Variants in RMDN2 observed in about 807,000 individuals in gnomAD.
RMDN2 encodes the protein regulator of microtubule dynamics protein 2.
A neutral mutation model predicts 52.8 loss-of-function variants in RMDN2; 61 were observed. The ratio of observed to expected loss-of-function variants is 1.16; its 90% CI spans 0.94 to 1.43. The LOEUF is 1.43. Among genes scored for constraint, RMDN2 ranks in the 40% most tolerant of loss-of-function variants. The pLI, the probability that RMDN2 is intolerant of heterozygous loss-of-function variation, is 0.00. For synonymous variants in RMDN2, 180 were observed against 153.1 expected (o/e 1.18, Z -1.30); for missense variants, 592 against 475.3 (o/e 1.25, Z -2.28).
chr2:38,058,687 CTG>C (rs1445541442), intron 10 of RMDN2, among the ~76,000 whole-genome samples: 1 of 152,192 alleles, frequency 6.6e-6, no homozygotes, highest in Non-Finnish European at 1.5e-5. Flanking sequence ...TGTTCGTTTT[CTG>C]TGTTTCAGAA....
downstream of RMDN2, among the ~76,000 whole-genome samples, chr2:38,018,565 A>G (rs1251357201): frequency 6.6e-6 from 1 of 152,248 alleles, no homozygotes; most frequent in East Asian, 1.9e-4. Flanking sequence ...CAAAAATGTT[A>G]TAGGCAACGG....
chr2:37,936,294 A>G (rs149112331), intron 2 of RMDN2, among the ~76,000 whole-genome samples: 295 of 152,272 alleles, frequency 1.9e-3, no homozygotes, highest in African/African-American at 6.5e-3. Context: ...TATCCAGTCT[A>G]TAATTGATGG....
chr2:37,939,490 G>A (rs981100514), intron 2 of RMDN2, among the ~76,000 whole-genome samples: 1 of 152,276 alleles, frequency 6.6e-6, no homozygotes, highest in Admixed American at 6.5e-5. Flanking sequence ...TGACAGTGGG[G>A]TGTTAAATTC....
At chr2:37,933,973 T>G (rs1395213820) in intron 2 of RMDN2, among the ~76,000 whole-genome samples, 1 of 152,226 alleles carries the variant, frequency 6.6e-6, no homozygotes, top group African/African-American at 2.4e-5. Flanking sequence ...GACTGAAGAC[T>G]GGCCATGGGG....
chr2:37,923,330 G>A (rs1666084484), upstream of RMDN2: 1 of 152,214 alleles, frequency 6.6e-6, no homozygotes, highest in Non-Finnish European at 1.5e-5. Flanking sequence ...TGAAGATCAA[G>A]TCAGTATCAG....
At chr2:37,957,495 G>A (rs1308091469) in intron 2 of RMDN2, among the ~76,000 whole-genome samples, 1 of 151,998 alleles carries the variant, frequency 6.6e-6, no homozygotes. Flanking sequence ...AGGGTTGTTT[G>A]GTTTTTTCTT....
At chr2:37,969,069 C>G (rs1393244873) in intron 2 of RMDN2, among the ~76,000 whole-genome samples, 1 of 150,494 alleles carries the variant, frequency 6.6e-6, no homozygotes, top group Non-Finnish European at 1.5e-5. Flanking sequence ...GGGAAATAGA[C>G]TAGCGTACAT....
Position 37,998,840 on chromosome 2 carries a change from A to G in RMDN2, c.1044+1326A>G, listed in dbSNP as rs552788410. ...ATACCTCAGGAACTTAATTTGTTGC[A>G]TTTCACACAATGACAATCAAAGATT... On this transcript the variant is annotated intron_variant, in intron 8 of 10. Coordinates refer to ENST00000354545, the MANE Select transcript of RMDN2 (RefSeq NM_001170791.3). Among the ~76,000 whole-genome samples the G allele has an allele frequency of 2.9e-4, 44 of 152,314 alleles. 1 individual carries two copies. In the South Asian group the frequency reaches 3.9e-3, roughly 14 times the overall value.
intron 10 of RMDN2, among the ~76,000 whole-genome samples, chr2:38,049,025 G>A (rs745885440): frequency 6.6e-6 from 1 of 152,192 alleles, no homozygotes; most frequent in Non-Finnish European, 1.5e-5. Flanking sequence ...TGCTGTTTAG[G>A]AGCCTGCTTG....
chr2:37,988,820 A>G (rs528725596), intron 5 of RMDN2, among the ~76,000 whole-genome samples: 36 of 152,342 alleles, frequency 2.4e-4, no homozygotes, highest in African/African-American at 8.2e-4. Context: ...CAATTTTTCC[A>G]GTAAATAAGC....
chr2:38,040,276 T>C (rs1474506781), intron 10 of RMDN2, among the ~76,000 whole-genome samples: 2 of 152,160 alleles, frequency 1.3e-5, no homozygotes, highest in Non-Finnish European at 2.9e-5. Flanking sequence ...TTTATAGCTG[T>C]ATAGTTAGTT....
intron 2 of RMDN2, among the ~76,000 whole-genome samples, chr2:37,964,373 G>A (rs1226951622): frequency 6.6e-6 from 1 of 152,170 alleles, no homozygotes; most frequent in African/African-American, 2.4e-5. Context: ...TTTTTGGTAT[G>A]TTATGTTTTC....
At chr2:38,039,583 G>T (rs1401477391) in intron 10 of RMDN2, among the ~76,000 whole-genome samples, 7 of 152,194 alleles carry the variant, frequency 4.6e-5, no homozygotes, top group Non-Finnish European at 7.3e-5. Flanking sequence ...CTATCATTAA[G>T]TAGAAAGCCC....
chr2:37,925,782 C>T (rs952235220), intron 1 of RMDN2, among the ~76,000 whole-genome samples: 1 of 56,816 alleles, frequency 1.8e-5, no homozygotes, highest in African/African-American at 7.7e-5. Context: ...AACAGAGACA[C>T]TTGCTGGGCT....
intron 6 of RMDN2, among the ~76,000 whole-genome samples, chr2:37,990,137 C>T (rs550504541): frequency 0.01 from 988 of 95,282 alleles, 8 homozygotes; most frequent in African/African-American, 0.05. Context: ...AGTGAGACTC[C>T]GTCTGAAAAA....
intron 10 of RMDN2, among the ~76,000 whole-genome samples, chr2:38,058,942 G>T (rs1168085450): frequency 2.0e-5 from 3 of 152,144 alleles, no homozygotes; most frequent in Non-Finnish European, 4.4e-5. Context: ...TTACTCGGAG[G>T]AGGGGCCCCT....
rs370380410 is a variant in RMDN2 at position 37,933,341 on chromosome 2, G to A, written c.452+3612G>A. Among the ~76,000 whole-genome samples the A allele has an allele frequency of 4.6e-5, 7 of 151,972 alleles. No individual in the cohort carries two copies. In the East Asian group the frequency reaches 5.8e-4, roughly 13 times the overall value. On this transcript the variant is annotated intron_variant, in intron 2 of 10. Transcript: ENST00000354545. Reference sequence around the variant, plus strand: ...CATCCCAGACGATGGGCGGCCAGGCGGAGACGCTCCTCACTTCCCAGACGG... The same window carrying A: ...CATCCCAGACGATGGGCGGCCAGGCAGAGACGCTCCTCACTTCCCAGACGG...
At chr2:37,952,546 G>C in intron 2 of RMDN2, 1 of 372,812 alleles carries the variant, frequency 2.7e-6, no homozygotes, top group Non-Finnish European at 4.8e-6. Context: ...CTTTCTAAAA[G>C]TAATACATTC....
intron 10 of RMDN2, among the ~76,000 whole-genome samples, chr2:38,010,332 G>T (rs1457519370): frequency 6.6e-6 from 1 of 152,204 alleles, no homozygotes; most frequent in African/African-American, 2.4e-5. Context: ...AGGCAGGCAG[G>T]CCTCCTTGAG....
Sources: allele counts gnomAD v4.1 joint callset (sites outside exome capture counted in the v4.1 genomes callset), GRCh38; gene constraint gnomAD v4.1.1; transcripts MANE v1.5; gene names NCBI Gene and HGNC (gene_info 2026-07-23, HGNC 2026-07-21).